The following PKHD1 variants were observed in gnomAD, a reference collection of about 807,000 sequenced individuals.
PKHD1 encodes PKHD1 ciliary IPT domain containing fibrocystin/polyductin.
A neutral mutation model predicts 412.0 loss-of-function variants in PKHD1; 291 were observed. That is an observed-to-expected ratio of 0.71 (90% CI 0.64 to 0.78). PKHD1 has a LOEUF of 0.78. PKHD1 is among the 30% of genes least tolerant of loss of function. PKHD1 has a pLI of 0.00. For missense variants in PKHD1, 4,825 were observed against 4,950.7 expected (o/e 0.97, Z 0.76); for synonymous variants, 1,777 against 1,821.5 (o/e 0.98, Z 0.62).
intron 29 of PKHD1, among the ~76,000 whole-genome samples, chr6:52,030,983 T>TA (rs947656722): frequency 8.2e-4 from 122 of 148,922 alleles, no homozygotes; most frequent in East Asian, 2.7e-3. Flanking sequence ...CATGAAGAAG[T>TA]AAAAAAAAAA....
At chr6:51,735,602 G>A (rs1783737414) in intron 60 of PKHD1, among the ~76,000 whole-genome samples, 2 of 152,134 alleles carry the variant, frequency 1.3e-5, no homozygotes, top group Non-Finnish European at 2.9e-5. Flanking sequence ...CTTGGATAGA[G>A]GGTACTGGGT....
At chr6:51,881,319 A>G (rs1366727838) in intron 46 of PKHD1, among the ~76,000 whole-genome samples, 1 of 152,146 alleles carries the variant, frequency 6.6e-6, no homozygotes, top group Non-Finnish European at 1.5e-5. Context: ...CAACATATCT[A>G]TTATCTCACA....
intron 52 of PKHD1, among the ~76,000 whole-genome samples, chr6:51,810,659 C>A (rs1764552243): frequency 6.6e-6 from 1 of 152,184 alleles, no homozygotes; most frequent in African/African-American, 2.4e-5. Flanking sequence ...TGTGACACTT[C>A]CCCATGGCCC....
At chr6:51,881,436 G>T (rs2127535454) in intron 46 of PKHD1, among the ~76,000 whole-genome samples, 1 of 152,180 alleles carries the variant, frequency 6.6e-6, no homozygotes, top group South Asian at 2.1e-4. Context: ...TTACATCTCT[G>T]GATTTGTTGG....
rs146962673 is a variant in PKHD1, at chr6:51,868,029, T to C, written c.7567A>G (p.Ile2523Val). Residue 2523 changes from isoleucine (I) to valine (V), a missense_variant, in exon 48 of 67, where the codon ATT becomes GTT. By Grantham distance (29) the Ile-to-Val change is conservative (BLOSUM62 3). Transcript: ENST00000371117. ...AGAGACCCATCCAAGTCTTCCAAAA[T>C]TGCTGCATGAGGAAATGGAAATGCC... The part of the protein sequence containing the change: ...LVAFPFPHAA[I>V]LEDLDGSLSG... The C allele has an allele frequency of 8.7e-6, 14 of 1,612,546 alleles. No individual in the cohort carries two copies. In the African/African-American group the frequency reaches 1.5e-4, roughly 17 times the overall value.
In PKHD1 at chr6:51,722,110, A is replaced by G. The variant is rs925319344; in HGVS notation, c.10156+22275T>C. 13 of 1,604,792 alleles carry G rather than the reference A, an allele frequency of 8.1e-6. No homozygotes were observed. The African/African-American group carries it at 1.6e-4, about 20-fold the overall frequency. On this transcript the variant is annotated intron_variant, in intron 60 of 66. Transcript: ENST00000371117. The stretch of plus-strand genomic sequence containing the variant: ...CTTTTCTTCTCGGCATGCTTTCCAC[A>G]TTGCATCCAAATGAAAATACCCCAC...
Position 51,627,027 on chromosome 6 carries a change from GC to G in PKHD1, c.11754del (p.Glu3922LysfsTer9). 1 of 1,613,416 alleles carries G rather than the reference GC, an allele frequency of 6.2e-7. No homozygotes were observed. Among genetic ancestry groups the G allele is most frequent in the Non-Finnish European group, 8.5e-7 (1 of 1,179,564 alleles). On this transcript the variant is annotated frameshift_variant, in exon 66 of 67. Transcript: ENST00000371117. LOFTEE classifies it low-confidence loss of function (END_TRUNC). ...HISSKRRESQ[G>X]PKKEDTVVGE... The stretch of plus-strand genomic sequence containing the variant: ...CCCACCACAGTGTCTTCTTTTTTGG[GC>G]CCTTGTGATTCTCGGCGTTTGGATG...
intron 55 of PKHD1, among the ~76,000 whole-genome samples, chr6:51,762,870 T>C (rs1176855924): frequency 1.3e-5 from 2 of 152,062 alleles, no homozygotes; most frequent in African/African-American, 2.4e-5. Context: ...TAATGTTCTA[T>C]AGTTATGTAA....
chr6:51,998,749 C>G (rs571889703), intron 35 of PKHD1, among the ~76,000 whole-genome samples: 3 of 152,030 alleles, frequency 2.0e-5, no homozygotes, highest in Admixed American at 2.0e-4. Flanking sequence ...GGCTACTTTT[C>G]TCTTTTATCC....
chr6:51,999,093 G>A (rs1029757777), intron 35 of PKHD1, among the ~76,000 whole-genome samples: 6 of 152,188 alleles, frequency 3.9e-5, no homozygotes, highest in African/African-American at 9.7e-5. Flanking sequence ...TGACCTGCCC[G>A]AGGAGATTAG....
chr6:51,658,400 C>T (rs1468955597), intron 61 of PKHD1, among the ~76,000 whole-genome samples: 1 of 152,114 alleles, frequency 6.6e-6, no homozygotes, highest in African/African-American at 2.4e-5. Flanking sequence ...AATGTATTAG[C>T]TGAATATTTC....
chr6:51,715,234 A>G (rs1346681039), intron 60 of PKHD1, among the ~76,000 whole-genome samples: 10 of 151,984 alleles, frequency 6.6e-5, no homozygotes, highest in African/African-American at 2.4e-4. Context: ...CATTTTTCCA[A>G]TGAGGAAATG....
chr6:51,879,092 C>A (rs1367918482), intron 46 of PKHD1, among the ~76,000 whole-genome samples: 1 of 84,854 alleles, frequency 1.2e-5, no homozygotes, highest in African/African-American at 5.4e-5. Context: ...GAACTACAAA[C>A]CACTGCTCAA....
intron 35 of PKHD1, among the ~76,000 whole-genome samples, chr6:51,978,935 T>A (rs556401097): frequency 5.4e-5 from 8 of 146,790 alleles, no homozygotes; most frequent in Admixed American, 4.8e-4. Context: ...GTATGTTAAC[T>A]GGAGCACTCA....
intron 53 of PKHD1, among the ~76,000 whole-genome samples, chr6:51,786,065 G>T (rs879832936): frequency 2.0e-5 from 3 of 151,978 alleles, no homozygotes; most frequent in Non-Finnish European, 4.4e-5. Flanking sequence ...TATGAAATAC[G>T]TACTATTATT....
intron 51 of PKHD1, among the ~76,000 whole-genome samples, chr6:51,833,028 C>T (rs1444996501): frequency 6.6e-6 from 1 of 152,104 alleles, no homozygotes; most frequent in African/African-American, 2.4e-5. Context: ...ATGTTGCCTG[C>T]TTCCCAACAT....
chr6:51,957,248 G>C (rs1791289510), intron 36 of PKHD1, among the ~76,000 whole-genome samples: 1 of 151,972 alleles, frequency 6.6e-6, no homozygotes, highest in Non-Finnish European at 1.5e-5. Context: ...TTATATACCA[G>C]CAAGTAGGAA....
At chr6:52,008,758 G>A (rs747309283) in intron 35 of PKHD1, among the ~76,000 whole-genome samples, 4 of 152,060 alleles carry the variant, frequency 2.6e-5, no homozygotes, top group South Asian at 2.1e-4. Flanking sequence ...AACTATTATT[G>A]ACCCTACTTT....
chr6:52,058,467 T>A lies in PKHD1; in HGVS notation c.1368A>T (p.Ala456=). Residue 456 remains alanine, a synonymous_variant, in exon 16 of 67, where the codon GCA becomes GCT. Coordinates refer to ENST00000371117, the MANE Select transcript of PKHD1 (RefSeq NM_138694.4). Reference sequence around the variant, plus strand: ...TGCTTGGGGCTATCCCATGATGCTCTGCTTCCAGGTAGTACATGGCTCCAC... The same window carrying A: ...TGCTTGGGGCTATCCCATGATGCTCAGCTTCCAGGTAGTACATGGCTCCAC... ...LLGGAMYYLE[A]EHHGIAPSRG... 6.2e-7 allele frequency: 1 copy of A among 1,614,208 alleles called. No homozygotes were observed. Among genetic ancestry groups the A allele is most frequent in the Non-Finnish European group, 8.5e-7 (1 of 1,180,020 alleles).
Sources: gnomAD v4.1 joint callset for allele counts (sites outside exome capture counted in the v4.1 genomes callset) on GRCh38, gnomAD v4.1.1 for gene constraint, MANE v1.5 for transcripts, NCBI Gene and HGNC (gene_info 2026-07-23, HGNC 2026-07-21) for gene names.